MYO7A: variants seen among roughly 807,000 people sequenced by gnomAD.
MYO7A encodes unconventional myosin-VIIa.
Under a neutral mutation model 263.8 loss-of-function variants are expected in MYO7A, and 210 were observed. The ratio of observed to expected loss-of-function variants is 0.80; its 90% CI spans 0.71 to 0.89. The LOEUF (loss-of-function observed/expected upper bound fraction) is 0.89. Ranked by LOEUF, MYO7A falls within the 40% of genes least tolerant of loss-of-function variation. The probability of loss-of-function intolerance (pLI) is 0.00; values close to 1 mark genes in which losing one functional copy is unlikely to be tolerated. For missense variants in MYO7A, 2,820 were observed against 2,968.3 expected, an observed-to-expected ratio of 0.95 and a Z score of 1.16; for synonymous variants, 1,239 against 1,197.3, an observed-to-expected ratio of 1.03 and a Z score of -0.72.
At chr11:77,155,799 C>T (rs1952405261) in intron 4 of MYO7A, 108 bp from the exon 5 acceptor site, 1 of 1,268,904 alleles carries the variant, frequency 7.9e-7, no homozygotes, top group East Asian at 2.6e-5. Flanking sequence ...ACTCCAAAGC[C>T]AGGACTCTTC....
intron 32 of MYO7A, among the ~76,000 whole-genome samples, chr11:77,196,589 C>A (rs908939633): frequency 6.6e-6 from 1 of 152,200 alleles, no homozygotes; most frequent in African/African-American, 2.4e-5. Flanking sequence ...CCCAGATTCA[C>A]TGGGTGATAG....
intron 15 of MYO7A, among the ~76,000 whole-genome samples, chr11:77,167,870 G>GC (rs1565372233): frequency 1.3e-5 from 2 of 151,974 alleles, no homozygotes; most frequent in African/African-American, 2.4e-5. Context: ...AGAACCTCCC[G>GC]CCCCCACTCA....
chr11:77,184,210 G>A (rs1449612855), intron 26 of MYO7A, among the ~76,000 whole-genome samples: 5 of 152,130 alleles, frequency 3.3e-5, no homozygotes, highest in Admixed American at 6.5e-5. Context: ...TATACTCCAG[G>A]TGCCACAGTT....
At chr11:77,179,218 A>T in intron 20 of MYO7A, 89 bp downstream of exon 20, 6 of 1,207,326 alleles carry the variant, frequency 5.0e-6, no homozygotes, top group Non-Finnish European at 7.1e-6. Flanking sequence ...GCACCCAGGC[A>T]GCACAGCCTG....
intron 44 of MYO7A, among the ~76,000 whole-genome samples, chr11:77,210,286 A>ATG (rs1957773243): frequency 2.0e-5 from 3 of 152,202 alleles, no homozygotes; most frequent in African/African-American, 4.8e-5. Flanking sequence ...TGTTGGATTG[A>ATG]CAGATGGGTG....
rs1485682391 is a variant in MYO7A, at chr11:77,192,182, G to T, written c.4056G>T (p.Thr1352=). 1.1e-5 allele frequency: 18 copies of T among 1,613,922 alleles called. No homozygotes were observed. Among genetic ancestry groups the T allele is most frequent in the Admixed American group, 1.7e-5 (1 of 60,016 alleles). ...WRLFFRKEVF[T]PWHSPSEDNV... ...TCTTCTTCCGCAAAGAGGTCTTCACGCCCTGGCACAGCCCCTCCGAGGACA... is the reference window on the plus strand; with the variant it reads ...TCTTCTTCCGCAAAGAGGTCTTCACTCCCTGGCACAGCCCCTCCGAGGACA... Residue 1352 remains threonine, a synonymous_variant, in exon 31 of 49, where the codon ACG becomes ACT. Transcript: ENST00000409709.
At chr11:77,150,255 G>A (rs935579174) in intron 4 of MYO7A, among the ~76,000 whole-genome samples, 3 of 152,230 alleles carry the variant, frequency 2.0e-5, no homozygotes, top group South Asian at 4.1e-4. Flanking sequence ...TAGCTCAGGG[G>A]CATGAAGCAT....
rs782384464 is a variant in MYO7A at position 77,179,073 on chromosome 11, G to A, written c.2311G>A (p.Ala771Thr). ...TAACTTTCTGAAGCTGAAGAACGCT[G>A]CCACACTGATCCAGAGGCACTGGCG... ...RSNFLKLKNAATLIQRHWRGH... is the reference protein window; with the variant it reads ...RSNFLKLKNATTLIQRHWRGH... The change falls in exon 20 of 49, where the codon GCC becomes ACC. Residue 771 changes from alanine (A) to threonine (T), a missense_variant. Ala to Thr is a moderately conservative substitution (Grantham distance 58). Coordinates refer to ENST00000409709, the MANE Select transcript of MYO7A (RefSeq NM_000260.4). The A allele has an allele frequency of 6.2e-7, 1 of 1,609,254 alleles. No homozygotes were observed.
intron 33 of MYO7A, among the ~76,000 whole-genome samples, chr11:77,198,150 C>T (rs1458373243): frequency 6.6e-6 from 1 of 152,252 alleles, no homozygotes; most frequent in East Asian, 1.9e-4. Flanking sequence ...AGGCCCTGTG[C>T]TGATGCTGCT....
chr11:77,191,702 C>T lies in MYO7A; in HGVS notation c.3925-349C>T, dbSNP rs983882947. Among the ~76,000 whole-genome samples the T allele has an allele frequency of 3.3e-5, 5 of 152,202 alleles. No individual in the cohort carries two copies. In the East Asian group the frequency reaches 9.7e-4, roughly 29 times the overall value. On this transcript the variant is annotated intron_variant, in intron 30 of 48. Coordinates refer to ENST00000409709, the MANE Select transcript of MYO7A (RefSeq NM_000260.4). ...ACGTCATGCTCAGCAGAGGGGCCCCCGCCCACAAGCCCAGGGGAGGTACCG... is the reference window on the plus strand; with the variant it reads ...ACGTCATGCTCAGCAGAGGGGCCCCTGCCCACAAGCCCAGGGGAGGTACCG...
intron 31 of MYO7A, among the ~76,000 whole-genome samples, chr11:77,193,434 T>C (rs1266002759): frequency 6.7e-6 from 1 of 149,694 alleles, no homozygotes; most frequent in Non-Finnish European, 1.5e-5. Context: ...GTGTTGTTGG[T>C]AGTGATAATG....
At chr11:77,150,895 G>A (rs138540025) in intron 4 of MYO7A, among the ~76,000 whole-genome samples, 3 of 152,338 alleles carry the variant, frequency 2.0e-5, no homozygotes, top group Non-Finnish European at 4.4e-5. Context: ...CTGGGCCATC[G>A]TCCCACCCGG....
chr11:77,129,752 A>G (rs7121629), intron 1 of MYO7A, among the ~76,000 whole-genome samples: 25,123 of 152,150 alleles, frequency 0.17, 3,416 homozygotes, highest in African/African-American at 0.37. Flanking sequence ...AGGAGGTATC[A>G]TCTGAACTGA....
At position 77,159,571 on chromosome 11, in the gene MYO7A, G is replaced by A. The variant is rs556934359; in HGVS notation, c.1080+48G>A. ...CTCCATGACTTCTGTCCCTCTGAAG[G>A]GTTGAGTTTAAGCTCATTGGGGGCT... On this transcript the variant is annotated intron_variant, in intron 10 of 48. Transcript: ENST00000409709. 24 of 1,581,856 alleles carry A rather than the reference G, an allele frequency of 1.5e-5. No homozygotes were observed. The African/African-American group carries it at 1.7e-4, about 12-fold the overall frequency.
chr11:77,193,156 C>CGATGGTGTTGGTGATGGTGGAGGTAGT (rs1565444274), intron 31 of MYO7A, among the ~76,000 whole-genome samples: 2 of 41,356 alleles, frequency 4.8e-5, no homozygotes, highest in African/African-American at 1.1e-4. Context: ...GTGGAGGTAG[C>CGATGGTGTTGGTGATGGTGGAGGTAGT]GATGGTGTTG....
Position 77,194,507 on chromosome 11 carries a change from A to T in MYO7A, c.4306A>T (p.Ile1436Phe). Residue 1436 changes from isoleucine (I) to phenylalanine (F), a missense_variant, in exon 32 of 49, where the codon ATC becomes TTC. Coordinates refer to ENST00000409709, the MANE Select transcript of MYO7A (RefSeq NM_000260.4). ...KTLEKWAQLA[I>F]AAHKKGIYAQ... ...GCTGGAGAAGTGGGCCCAGCTGGCC[A>T]TCGCCGCCCACAAGAAGGTAGAAGG... 6.2e-7 allele frequency: 1 copy of T among 1,602,298 alleles called. No individual in the cohort carries two copies. The highest frequency in any genetic ancestry group is 1.3e-5 in the African/African-American group (1 of 74,758).
At chr11:77,151,523 T>G (rs1203475127) in intron 4 of MYO7A, among the ~76,000 whole-genome samples, 2 of 152,200 alleles carry the variant, frequency 1.3e-5, no homozygotes, top group South Asian at 2.1e-4. Flanking sequence ...TCCTGCTACA[T>G]CTCTGTGGCC....
intron 44 of MYO7A, among the ~76,000 whole-genome samples, chr11:77,209,896 CTAACTGCT>C (rs1350694894): frequency 8.1e-4 from 124 of 152,370 alleles, no homozygotes; most frequent in African/African-American, 2.9e-3. Flanking sequence ...GGTGGTGCCA[CTAACTGCT>C]CCTGCTGCCT....
intron 27 of MYO7A, among the ~76,000 whole-genome samples, chr11:77,185,621 T>C (rs1409965689): frequency 1.3e-5 from 2 of 152,192 alleles, no homozygotes; most frequent in Non-Finnish European, 2.9e-5. Flanking sequence ...CTTGAGCCCC[T>C]CAGTCATTCA....
Sources: allele counts gnomAD v4.1 joint callset (sites outside exome capture counted in the v4.1 genomes callset), GRCh38; gene constraint gnomAD v4.1.1; transcripts MANE v1.5; gene names NCBI Gene and HGNC (gene_info 2026-07-23, HGNC 2026-07-21).